Variants in EFR3A observed in about 807,000 individuals in gnomAD.
EFR3A encodes protein EFR3 homolog A.
Under a neutral mutation model 104.4 loss-of-function variants are expected in EFR3A, and 76 were observed. That is an observed-to-expected ratio of 0.73 (90% CI 0.60 to 0.88). The LOEUF (loss-of-function observed/expected upper bound fraction) is 0.88, where lower values mean the gene tolerates loss of function less well. EFR3A is among the 40% of genes least tolerant of loss of function. The pLI is 0.00. For missense variants in EFR3A, 985 were observed against 1,012.5 expected (o/e 0.97, Z 0.37); for synonymous variants, 330 against 330.0 (o/e 1.00, Z 0.00).
intron 10 of EFR3A, among the ~76,000 whole-genome samples, chr8:131,972,627 C>A (rs903197823): frequency 6.6e-6 from 1 of 151,994 alleles, no homozygotes; most frequent in Non-Finnish European, 1.5e-5. Flanking sequence ...TCAATATTTT[C>A]TTTAGGATAG....
chr8:131,979,361 A>T lies in EFR3A; in HGVS notation c.1515A>T (p.Val505=). 1 of 1,565,786 alleles carries T rather than the reference A, an allele frequency of 6.4e-7. No individual in the cohort carries two copies. The stretch of plus-strand genomic sequence containing the variant: ...TCGTCTCTAGAATAATACCGGATGT[A>T]GCTGACCTAAAGATAAAAAGAGAAA... ...KLRGIRIIPD[V]ADLKIKREKI... The change falls in exon 14 of 23, where the codon GTA becomes GTT. Residue 505 remains valine, a synonymous_variant. Coordinates refer to ENST00000254624, the MANE Select transcript of EFR3A (RefSeq NM_015137.6).
intron 12 of EFR3A, 149 bp downstream of exon 12, chr8:131,977,241 C>G (rs1181667185): frequency 3.8e-6 from 2 of 532,970 alleles, no homozygotes; most frequent in African/African-American, 3.9e-5. Context: ...AAAGATTATC[C>G]AATTTTTTTA....
chr8:131,984,859 G>T, intron 15 of EFR3A, 70 bp from the exon 16 acceptor site: 1 of 1,400,798 alleles, frequency 7.1e-7, no homozygotes, highest in African/African-American at 1.4e-5. Context: ...CAGTTTTCCA[G>T]TGTAATCAGA....
intron 1 of EFR3A, among the ~76,000 whole-genome samples, chr8:131,909,487 A>G (rs1251430846): frequency 6.6e-6 from 1 of 152,136 alleles, no homozygotes; most frequent in East Asian, 1.9e-4. Flanking sequence ...CTGAGGCTGC[A>G]GTGAGCTATG....
chr8:131,965,889 T>G (rs891887823), intron 8 of EFR3A, among the ~76,000 whole-genome samples: 12 of 152,080 alleles, frequency 7.9e-5, no homozygotes, highest in Admixed American at 3.3e-4. Context: ...CCATAAAAAA[T>G]GATGAGTTCA....
At chr8:131,969,712 C>T (rs1346470449) in intron 9 of EFR3A, among the ~76,000 whole-genome samples, 1 of 152,020 alleles carries the variant, frequency 6.6e-6, no homozygotes, top group African/African-American at 2.4e-5. Context: ...AGAGATAAAA[C>T]TGGTTATTTA....
chr8:131,961,986 ATACTC>A (rs1487637623), intron 8 of EFR3A, among the ~76,000 whole-genome samples: 1 of 152,208 alleles, frequency 6.6e-6, no homozygotes, highest in Non-Finnish European at 1.5e-5. Flanking sequence ...GAGAAATAAA[ATACTC>A]TACAGACAAG....
At chr8:131,934,083 GGA>G (rs1817749849) in intron 1 of EFR3A, among the ~76,000 whole-genome samples, 2 of 152,048 alleles carry the variant, frequency 1.3e-5, no homozygotes, top group African/African-American at 4.8e-5. Context: ...CTCCTCTAAT[GGA>G]TTAAAATCCT....
chr8:131,981,726 C>A (rs939280095), intron 14 of EFR3A, among the ~76,000 whole-genome samples: 1 of 152,028 alleles, frequency 6.6e-6, no homozygotes, highest in African/African-American at 2.4e-5. Flanking sequence ...TTTGTTCAGG[C>A]AACTGTGTCT....
rs149001415 is a variant in EFR3A, at chr8:131,989,184, T to A, written c.2065+1482T>A. On this transcript the variant is annotated intron_variant, in intron 18 of 22. Transcript: ENST00000254624. ...TTAGAACCTATCTGTGGCATTAGTA[T>A]CCTACCTTAATGCAGAAACAGAATA... Among the ~76,000 whole-genome samples the A allele has an allele frequency of 2.3e-3, 355 of 152,320 alleles. 2 individuals carry two copies. The highest frequency in any genetic ancestry group is 8.2e-3 in the African/African-American group (340 of 41,582).
At chr8:132,010,468 C>T (rs1230816824) in intron 22 of EFR3A, among the ~76,000 whole-genome samples, 4 of 129,338 alleles carry the variant, frequency 3.1e-5, no homozygotes, top group East Asian at 2.2e-4. Context: ...ACCATTCTGT[C>T]ATCAAAAAAG....
chr8:131,980,045 T>C (rs1820525604), intron 14 of EFR3A, among the ~76,000 whole-genome samples: 1 of 152,260 alleles, frequency 6.6e-6, no homozygotes, highest in African/African-American at 2.4e-5. Context: ...ATATTTGCTA[T>C]ACACTGAGTC....
At chr8:131,976,626 G>A (rs1028016982) in intron 11 of EFR3A, among the ~76,000 whole-genome samples, 7 of 151,970 alleles carry the variant, frequency 4.6e-5, no homozygotes, top group African/African-American at 1.4e-4. Flanking sequence ...TATCTTATTC[G>A]ACTTACATTT....
chr8:132,008,758 A>G (rs1586689008), intron 22 of EFR3A, among the ~76,000 whole-genome samples: 1 of 143,166 alleles, frequency 7.0e-6, no homozygotes. Flanking sequence ...AGTGTTCAGT[A>G]TCTCTTGAAC....
At chr8:131,955,721 T>C in intron 6 of EFR3A, 47 bp from the exon 7 acceptor site, 1 of 1,578,090 alleles carries the variant, frequency 6.3e-7, no homozygotes, top group Non-Finnish European at 8.6e-7. Flanking sequence ...TTATTAGAAC[T>C]GATATTAAAA....
At chr8:131,974,611 G>T (rs910381572) in intron 10 of EFR3A, among the ~76,000 whole-genome samples, 1 of 152,160 alleles carries the variant, frequency 6.6e-6, no homozygotes, top group Non-Finnish European at 1.5e-5. Flanking sequence ...TTCCATAAGA[G>T]GAAACTGAGA....
At chr8:131,933,745 A>G (rs1817735621) in intron 1 of EFR3A, among the ~76,000 whole-genome samples, 1 of 152,074 alleles carries the variant, frequency 6.6e-6, no homozygotes, top group South Asian at 2.1e-4. Context: ...AAATTGTAAT[A>G]GTGGGAAAAA....
At chr8:131,932,076 T>C (rs1477164494) in intron 1 of EFR3A, among the ~76,000 whole-genome samples, 1 of 152,120 alleles carries the variant, frequency 6.6e-6, no homozygotes, top group African/African-American at 2.4e-5. Context: ...ATTTGCAAGT[T>C]GAGTTCTTGC....
rs1349441502 is a variant in EFR3A at position 131,953,950 on chromosome 8, G to A, written c.621G>A (p.Lys207=). 2 of 1,549,922 alleles carry A rather than the reference G, an allele frequency of 1.3e-6. No homozygotes were observed. Among genetic ancestry groups the A allele is most frequent in the South Asian group, 2.4e-5 (2 of 81,718 alleles). The change falls in exon 6 of 23, where the codon AAG becomes AAA. Residue 207 remains lysine, a synonymous_variant. Transcript: ENST00000254624. ...CATCCCTCCTGTTTAACATGCAAAAGATAGAAGAAGTTGACAGGTATTTAA... is the reference window on the plus strand; with the variant it reads ...CATCCCTCCTGTTTAACATGCAAAAAATAGAAGAAGTTGACAGGTATTTAA... ...IVPSLLFNMQ[K]IEEVDSRIGP... is the part of the protein sequence containing the mutation.
Sources: allele counts gnomAD v4.1 joint callset (sites outside exome capture counted in the v4.1 genomes callset), GRCh38; gene constraint gnomAD v4.1.1; transcripts MANE v1.5; gene names NCBI Gene and HGNC (gene_info 2026-07-23, HGNC 2026-07-21).